The following PHF12 variants were observed in gnomAD, a reference collection of about 807,000 sequenced individuals.
PHF12 encodes the protein PHD factor 1.
Under a neutral mutation model 99.8 loss-of-function variants are expected in PHF12, and 6 were observed. The ratio of observed to expected loss-of-function variants is 0.06; its 90% CI spans 0.03 to 0.12. The LOEUF (loss-of-function observed/expected upper bound fraction) is 0.12, where lower values mean the gene tolerates loss of function less well. PHF12 is among the 10% of genes least tolerant of loss of function. The pLI is 1.00. For synonymous variants in PHF12, 480 were observed against 514.9 expected, an observed-to-expected ratio of 0.93 and a Z score of 0.92; for missense variants, 954 against 1,300.1, an observed-to-expected ratio of 0.73 and a Z score of 4.09.
Position 28,912,648 on chromosome 17 carries a change from C to A in PHF12, c.1923G>T (p.Leu641Phe), listed in dbSNP as rs769675590. The change falls in exon 9 of 15, where the codon TTG (leucine) becomes TTT (phenylalanine). Residue 641 changes from leucine to phenylalanine, a missense_variant. Leu to Phe is a conservative substitution (Grantham distance 22, BLOSUM62 0). Coordinates refer to ENST00000332830, the MANE Select transcript of PHF12 (RefSeq NM_001033561.2). ...TCTGTGATTGGACAGTCTTTCTTTG[C>A]AAAGTGCTGGTGTTCTCGATGCTGG... ...SCASIENTST[L>F]QRKTVQSQIG... is the part of the protein sequence containing the mutation. 6.2e-7 allele frequency: 1 copy of A among 1,614,204 alleles called. No individual in the cohort carries two copies. Among genetic ancestry groups the A allele is most frequent in the Non-Finnish European group, 8.5e-7 (1 of 1,180,046 alleles).
At position 28,906,699 on chromosome 17, in the gene PHF12, C is replaced by T. The variant is rs1029520683; in HGVS notation, c.2680+157G>A. ...ACAGGTGTGTACACACATGGGGGTACTCAGCACTTGCTTCTCTGTGGCCTG... is the reference window on the plus strand; with the variant it reads ...ACAGGTGTGTACACACATGGGGGTATTCAGCACTTGCTTCTCTGTGGCCTG... On this transcript the variant is annotated intron_variant, in intron 14 of 14. Coordinates refer to ENST00000332830, the MANE Select transcript of PHF12 (RefSeq NM_001033561.2). The surrounding 1 kb of genome is among the most constrained non-coding windows in gnomAD (Gnocchi z 4.2). 2 of 1,269,282 alleles carry T rather than the reference C, an allele frequency of 1.6e-6. No individual in the cohort carries two copies. Among genetic ancestry groups the T allele is most frequent in the Non-Finnish European group, 2.2e-6 (2 of 927,168 alleles). The allele number at this position is 1,269,282 out of a possible 1,614,324, so 78.6% of individuals were successfully genotyped here. A position where few individuals can be genotyped will look rare whatever the true frequency, so the allele number is the denominator to read the frequency against.
At chr17:28,932,431 G>C (rs1598149842) in intron 2 of PHF12, among the ~76,000 whole-genome samples, 3 of 152,292 alleles carry the variant, frequency 2.0e-5, no homozygotes, top group Admixed American at 2.0e-4. Context: ...AACACGCCTG[G>C]CTCAATGCAA....
Position 28,906,691 on chromosome 17 carries a change from TG to T in PHF12, c.2680+164del. 6 of 1,222,268 alleles carry T rather than the reference TG, an allele frequency of 4.9e-6. No homozygotes were observed. The highest frequency in any genetic ancestry group is 6.8e-6 in the Non-Finnish European group (6 of 885,410). The allele number at this position is 1,222,268 out of a possible 1,614,324, so 75.7% of individuals were successfully genotyped here. ...AAGTCCCCACAGGTGTGTACACACA[TG>T]GGGGTACTCAGCACTTGCTTCTCTG... On this transcript the variant is annotated intron_variant, in intron 14 of 14. Coordinates refer to ENST00000332830, the MANE Select transcript of PHF12 (RefSeq NM_001033561.2). The surrounding 1 kb of genome is among the most constrained non-coding windows in gnomAD (Gnocchi z 4.2).
intron 2 of PHF12, among the ~76,000 whole-genome samples, chr17:28,932,743 C>T (rs1416446299): frequency 6.6e-6 from 1 of 152,014 alleles, no homozygotes; most frequent in Admixed American, 6.5e-5. Context: ...GTCAGGAATT[C>T]GAGACCAGCC....
chr17:28,927,057 A>T lies in PHF12; in HGVS notation c.255T>A (p.Pro85=), dbSNP rs2040293173. 1 of 1,613,730 alleles carries T rather than the reference A, an allele frequency of 6.2e-7. No homozygotes were observed. The highest frequency in any genetic ancestry group is 1.7e-5 in the Admixed American group (1 of 59,986). ...GAGGCAACATTTCTTCACTCAGTGG[A>T]GGGTTACTGTGGGGAACAGACAAGG... is the stretch of plus-strand genomic sequence containing the variant. ...PAAFHLQCCN[P]PLSEEMLPPG... is the part of the protein sequence containing the mutation. The change falls in exon 3 of 15, where the codon CCT becomes CCA. Residue 85 remains proline (P), a synonymous_variant. Coordinates refer to ENST00000332830, the MANE Select transcript of PHF12 (RefSeq NM_001033561.2).
At chr17:28,916,478 G>C (rs1292101418) in intron 7 of PHF12, among the ~76,000 whole-genome samples, 1 of 152,204 alleles carries the variant, frequency 6.6e-6, no homozygotes, top group East Asian at 1.9e-4. Flanking sequence ...TTACAGGCGT[G>C]AGCCACCGCG....
rs2039856144 is a variant in PHF12 at position 28,905,419 on chromosome 17, A to C, written c.*764T>G. 1 of 152,562 alleles carries C rather than the reference A, an allele frequency of 6.6e-6. No homozygotes were observed. The highest frequency in any genetic ancestry group is 6.5e-5 in the Admixed American group (1 of 15,278). 9.5% of individuals were successfully genotyped at this position (152,562 alleles called of 1,614,324 possible). ...GGCAAGAGAACAAAAAAAGGAGACA[A>C]AACAGGTTTACGACAAAAACATTTT... On this transcript the variant is annotated 3_prime_UTR_variant, in exon 15 of 15. Coordinates refer to ENST00000332830, the MANE Select transcript of PHF12 (RefSeq NM_001033561.2).
chr17:28,911,425 G>T, intron 9 of PHF12, 188 bp from the exon 10 acceptor site: 1 of 695,174 alleles, frequency 1.4e-6, no homozygotes, highest in Non-Finnish European at 2.3e-6. Context: ...GAACGACAAA[G>T]CACCCAGGCA....
At chr17:28,947,526 C>T (rs898047907) in intron 2 of PHF12, among the ~76,000 whole-genome samples, 3 of 151,644 alleles carry the variant, frequency 2.0e-5, no homozygotes, top group African/African-American at 4.9e-5. Flanking sequence ...TGCAATAAGC[C>T]GAGATTGCAC....
chr17:28,909,749 C>T, intron 11 of PHF12: 1 of 321,190 alleles, frequency 3.1e-6, no homozygotes, highest in Non-Finnish European at 5.8e-6. Flanking sequence ...TGCCACCATG[C>T]CTGGGTAAGT....
chr17:28,923,976 G>C lies in PHF12; in HGVS notation c.648C>G (p.Ala216=), dbSNP rs113516942. The change falls in exon 4 of 15, where the codon GCC becomes GCG. Residue 216 remains alanine, a synonymous_variant. Coordinates refer to ENST00000332830, the MANE Select transcript of PHF12 (RefSeq NM_001033561.2). ...ATTGGGTGGGGTTCCGCTCCATGGC[G>C]GCAGCAATCAGCAGCTCAAAGGGCC... ...LRRPFELLIA[A]AMERNPTQFQ... 9 of 1,613,954 alleles carry C rather than the reference G, an allele frequency of 5.6e-6. No individual in the cohort carries two copies. The African/African-American group carries it at 6.7e-5, about 12-fold the overall frequency.
rs1307333001 is a variant in PHF12, at chr17:28,909,190, G to C, written c.2360-309C>G. The C allele has an allele frequency of 1.3e-5, 4 of 315,842 alleles. No homozygotes were observed. The Admixed American group carries it at 1.7e-4, about 14-fold the overall frequency. The allele number at this position is 315,842 out of a possible 1,614,324, so 19.6% of individuals were successfully genotyped here. A position where few individuals can be genotyped will look rare whatever the true frequency, so the allele number is the denominator to read the frequency against. On this transcript the variant is annotated intron_variant, in intron 11 of 14. Transcript: ENST00000332830. ...GGGATATTCCAGCTGGTACTATAGG[G>C]AGAATATGGAAAAACAGACGGCATG...
chr17:28,937,835 G>A (rs1329159464), intron 2 of PHF12, among the ~76,000 whole-genome samples: 1 of 152,138 alleles, frequency 6.6e-6, no homozygotes, highest in African/African-American at 2.4e-5. Flanking sequence ...AAAGAAAGAT[G>A]GGCTGGGGTG....
chr17:28,912,780 G>A lies in PHF12; in HGVS notation c.1791C>T (p.Thr597=), dbSNP rs767809682. 1.9e-5 allele frequency: 31 copies of A among 1,612,836 alleles called. No homozygotes were observed. The highest frequency in any genetic ancestry group is 4.0e-5 in the African/African-American group (3 of 74,922). The change falls in exon 9 of 15, where the codon ACC becomes ACT. Residue 597 remains threonine, a synonymous_variant. Coordinates refer to ENST00000332830, the MANE Select transcript of PHF12 (RefSeq NM_001033561.2). ...TCTCTGTCTTCACAATGATGCCGAC[G>A]GTGTGGTTCTGAAGGCCCCCAGCCG... ...PPAAGGLQNH[T]VGIIVKTENA...
intron 4 of PHF12, among the ~76,000 whole-genome samples, chr17:28,922,820 C>T (rs1276689206): frequency 2.0e-5 from 3 of 152,114 alleles, no homozygotes; most frequent in Admixed American, 6.6e-5. Flanking sequence ...GTGGCTCATG[C>T]CTATAATCCC....
intron 10 of PHF12, 109 bp from the exon 11 acceptor site, chr17:28,910,478 T>C: frequency 7.7e-7 from 1 of 1,305,270 alleles, no homozygotes; most frequent in South Asian, 1.5e-5. Flanking sequence ...TCCAGCCAAG[T>C]GATTTTTACT....
At chr17:28,920,884 A>G (rs1353700624) in intron 5 of PHF12, among the ~76,000 whole-genome samples, 2 of 147,284 alleles carry the variant, frequency 1.4e-5, no homozygotes, top group African/African-American at 5.1e-5. Flanking sequence ...ATTTTTATTT[A>G]TTTTTTTGAG....
intron 2 of PHF12, chr17:28,945,115 GC>G (rs1384557940): frequency 6.6e-6 from 1 of 152,144 alleles, no homozygotes; most frequent in Non-Finnish European, 1.5e-5. Context: ...TAAAAAATTA[GC>G]CCAGCATGGT....
intron 11 of PHF12, 108 bp downstream of exon 11, chr17:28,910,118 A>T (rs1277331715): frequency 1.3e-6 from 2 of 1,496,036 alleles, no homozygotes; most frequent in Non-Finnish European, 1.9e-6. Context: ...AAAGCACACA[A>T]GGAGGTTTGA....
Sources: allele counts gnomAD v4.1 joint callset (sites outside exome capture counted in the v4.1 genomes callset), GRCh38; gene constraint gnomAD v4.1.1; non-coding constraint Gnocchi (gnomAD v3.1); transcripts MANE v1.5; gene names NCBI Gene and HGNC (gene_info 2026-07-23, HGNC 2026-07-21).